SUGCT: variants seen among roughly 807,000 people sequenced by gnomAD.
SUGCT encodes succinyl-CoA:glutarate-CoA transferase.
In SUGCT, 41 loss-of-function variants were observed where a neutral mutation model predicts 55.0. The ratio of observed to expected loss-of-function variants is 0.74; its 90% CI spans 0.58 to 0.97. The LOEUF is 0.97. SUGCT is among the 50% of genes least tolerant of loss of function. The pLI, the probability that SUGCT is intolerant of heterozygous loss-of-function variation, is 0.00. For synonymous variants in SUGCT, 187 were observed against 200.4 expected, an observed-to-expected ratio of 0.93 and a Z score of 0.56; for missense variants, 568 against 547.8, an observed-to-expected ratio of 1.04 and a Z score of -0.37.
At chr7:40,573,570 A>T (rs918210056) in intron 12 of SUGCT, among the ~76,000 whole-genome samples, 1 of 152,234 alleles carries the variant, frequency 6.6e-6, no homozygotes, top group African/African-American at 2.4e-5. Context: ...TCTGTTTTGT[A>T]TGGTGAAGTG....
intron 1 of SUGCT, among the ~76,000 whole-genome samples, chr7:40,172,340 T>C (rs1018095436): frequency 6.6e-6 from 1 of 151,978 alleles, no homozygotes; most frequent in Non-Finnish European, 1.5e-5. Context: ...GGGAAACGGG[T>C]CCCACATAAC....
intron 7 of SUGCT, among the ~76,000 whole-genome samples, chr7:40,248,387 T>C (rs1790058649): frequency 6.6e-6 from 1 of 152,160 alleles, no homozygotes; most frequent in South Asian, 2.1e-4. Context: ...TCATGTTTCC[T>C]GGAGATTATC....
Position 40,666,355 on chromosome 7 carries a change from A to AAAGGAAGGAAGGAAGGAAGGAAGGAAGG in SUGCT, c.1090-83068_1090-83041dup, listed in dbSNP as rs775565696. 8.6e-4 allele frequency among the ~76,000 whole-genome samples: 105 copies of AAAGGAAGGAAGGAAGGAAGGAAGGAAGG among 121,834 alleles called. 2 individuals are homozygous for AAAGGAAGGAAGGAAGGAAGGAAGGAAGG. The highest frequency in any genetic ancestry group is 3.9e-3 in the African/African-American group (100 of 25,940). The allele number at this position is 121,834 out of a possible 152,430, so 79.9% of individuals were successfully genotyped here. On this transcript the variant is annotated intron_variant, in intron 12 of 13. Coordinates refer to ENST00000335693, the MANE Select transcript of SUGCT (RefSeq NM_001193313.2). ...AGAGCAAGACTCTGTCTCAAGAAAGAAAGGAAGGAAGGAAGGAAGGAAGGA... is the reference window on the plus strand; with the variant it reads ...AGAGCAAGACTCTGTCTCAAGAAAGAAAGGAAGGAAGGAAGGAAGGAAGGAAGGAAGGAAGGAAGGAAGGAAGGAAGGA...
At chr7:40,417,342 T>A (rs1476545699) in intron 9 of SUGCT, among the ~76,000 whole-genome samples, 1 of 151,996 alleles carries the variant, frequency 6.6e-6, no homozygotes, top group Non-Finnish European at 1.5e-5. Flanking sequence ...TTTCAGGGCA[T>A]ACATTTTTCT....
chr7:40,703,987 T>G lies in SUGCT; in HGVS notation c.1090-45447T>G, dbSNP rs537076298. ...GCAGCTGACCTGACCGGAGGAGACT[T>G]GTACGGTGGATCCTCCTTTCTGGAA... On this transcript the variant is annotated intron_variant, in intron 12 of 13. Transcript: ENST00000335693. Among the ~76,000 whole-genome samples the G allele has an allele frequency of 4.0e-4, 61 of 152,304 alleles. 1 individual carries two copies. The South Asian group carries it at 0.012, about 31-fold the overall frequency.
At chr7:40,863,922 C>G (rs138101823), downstream of SUGCT, among the ~76,000 whole-genome samples, 14 of 151,880 alleles carry the variant, frequency 9.2e-5, no homozygotes, top group East Asian at 2.7e-3. Context: ...TGAAGAGATG[C>G]AGAAAAAAGA....
chr7:40,508,449 G>A (rs1206698656), intron 12 of SUGCT, among the ~76,000 whole-genome samples: 1 of 152,176 alleles, frequency 6.6e-6, no homozygotes, highest in Non-Finnish European at 1.5e-5. Context: ...ATGGGGTAAA[G>A]CCATAGTCCT....
intron 9 of SUGCT, among the ~76,000 whole-genome samples, chr7:40,421,302 G>T (rs1048766456): frequency 6.6e-6 from 1 of 152,048 alleles, no homozygotes; most frequent in East Asian, 1.9e-4. Flanking sequence ...CCATGTTGTT[G>T]TCAAGTTCCT....
chr7:40,210,960 T>C (rs1318525588), intron 6 of SUGCT, among the ~76,000 whole-genome samples: 1 of 152,146 alleles, frequency 6.6e-6, no homozygotes, highest in East Asian at 1.9e-4. Context: ...GAATTGAACA[T>C]ACTGACATAT....
chr7:40,218,306 G>A (rs571655924), intron 6 of SUGCT, among the ~76,000 whole-genome samples: 2 of 152,322 alleles, frequency 1.3e-5, no homozygotes, highest in African/African-American at 4.8e-5. Flanking sequence ...ATACACGCAT[G>A]TACTACTTTG....
intron 8 of SUGCT, among the ~76,000 whole-genome samples, chr7:40,286,765 A>T (rs1010571900): frequency 7.9e-5 from 12 of 152,218 alleles, no homozygotes; most frequent in Admixed American, 7.9e-4. Context: ...TTCAAATAAT[A>T]ACCCTATGTC....
chr7:40,941,037 G>T, the SUGCT span, among the ~76,000 whole-genome samples: 2 of 151,826 alleles, frequency 1.3e-5, no homozygotes, highest in African/African-American at 2.4e-5. Flanking sequence ...ATATTTTTGG[G>T]TATGTTCTTT....
intron 6 of SUGCT, among the ~76,000 whole-genome samples, chr7:40,227,770 C>T (rs574961764): frequency 6.6e-6 from 1 of 151,960 alleles, no homozygotes; most frequent in South Asian, 2.1e-4. Flanking sequence ...GGTGCTGTGG[C>T]TCACGTCTGT....
At chr7:40,184,579 G>A (rs1435185019) in intron 3 of SUGCT, among the ~76,000 whole-genome samples, 6 of 151,422 alleles carry the variant, frequency 4.0e-5, no homozygotes, top group Non-Finnish European at 7.4e-5. Flanking sequence ...ACGATCCTTC[G>A]ACCTCAGCCT....
chr7:40,466,788 G>A (rs574667306), intron 11 of SUGCT, among the ~76,000 whole-genome samples: 2 of 152,270 alleles, frequency 1.3e-5, no homozygotes, highest in South Asian at 2.1e-4. Flanking sequence ...AACCTGTATC[G>A]TGGTCATACA....
chr7:40,758,442 T>A (rs1184730132), intron 13 of SUGCT, among the ~76,000 whole-genome samples: 1 of 152,132 alleles, frequency 6.6e-6, no homozygotes, highest in Non-Finnish European at 1.5e-5. Context: ...TATGATAATA[T>A]TAAAAAGATG....
the SUGCT span, among the ~76,000 whole-genome samples, chr7:41,029,792 C>G: frequency 6.6e-6 from 1 of 152,240 alleles, no homozygotes; most frequent in African/African-American, 2.4e-5. Flanking sequence ...TTAAGGCTCA[C>G]TCTTTGTGCT....
intron 12 of SUGCT, among the ~76,000 whole-genome samples, chr7:40,589,162 G>T (rs764666419): frequency 6.6e-6 from 1 of 152,018 alleles, no homozygotes; most frequent in African/African-American, 2.4e-5. Flanking sequence ...GTGTGTGTGT[G>T]TGTGTGCTTG....
the SUGCT span, among the ~76,000 whole-genome samples, chr7:41,030,925 C>T: frequency 3.9e-5 from 6 of 151,960 alleles, no homozygotes; most frequent in Admixed American, 2.6e-4. Flanking sequence ...ATTAGTGCAT[C>T]GTAGATAATG....
Sources: gnomAD v4.1 joint callset for allele counts (sites outside exome capture counted in the v4.1 genomes callset) on GRCh38, gnomAD v4.1.1 for gene constraint, MANE v1.5 for transcripts, NCBI Gene and HGNC (gene_info 2026-07-23, HGNC 2026-07-21) for gene names.